FLT1: variants seen among roughly 807,000 people sequenced by gnomAD.
The protein encoded by FLT1 is vascular endothelial growth factor receptor 1.
Under a neutral mutation model 156.3 loss-of-function variants are expected in FLT1, and 49 were observed. The ratio of observed to expected loss-of-function variants is 0.31; its 90% CI spans 0.25 to 0.40. FLT1 has a LOEUF of 0.40. Ranked by LOEUF, FLT1 falls within the 10% of genes least tolerant of loss-of-function variation. The pLI is 1.00. For synonymous variants in FLT1, 594 were observed against 583.8 expected (o/e 1.02, Z -0.25); for missense variants, 1,322 against 1,637.2 (o/e 0.81, Z 3.32).
intron 12 of FLT1, among the ~76,000 whole-genome samples, chr13:28,391,537 C>A (rs865834979): frequency 1.3e-5 from 2 of 152,260 alleles, no homozygotes; most frequent in South Asian, 4.1e-4. Context: ...GTACATCTTA[C>A]ATATATTGAT....
chr13:28,327,625 T>A (rs1871738953), intron 19 of FLT1, 75 bp from the exon 20 acceptor site: 2 of 1,043,494 alleles, frequency 1.9e-6, no homozygotes, highest in Non-Finnish European at 3.0e-6. Context: ...TCAGCCTGCC[T>A]GAGAAACCTC....
At chr13:28,469,555 C>T (rs973277342) in intron 1 of FLT1, among the ~76,000 whole-genome samples, 8 of 152,132 alleles carry the variant, frequency 5.3e-5, no homozygotes, top group Non-Finnish European at 1.0e-4. Flanking sequence ...TGTGTGCATT[C>T]GGTGCTGTGC....
At chr13:28,406,882 G>T (rs368714950) in intron 10 of FLT1, among the ~76,000 whole-genome samples, 1 of 152,118 alleles carries the variant, frequency 6.6e-6, no homozygotes, top group Non-Finnish European at 1.5e-5. Context: ...AAAATGAGAG[G>T]CTAAAGTCAG....
rs752049696 is a variant in FLT1 at position 28,414,137 on chromosome 13, CTA to C, written c.1437-8245_1437-8244del. The stretch of plus-strand genomic sequence containing the variant: ...GAAGTGTGGTCAGGGAGTTTGCCTA[CTA>C]TTAGTGTCCCGCAGCGTATGAGAGA... On this transcript the variant is annotated intron_variant, in intron 10 of 29. Transcript: ENST00000282397. Among the ~76,000 whole-genome samples the C allele has an allele frequency of 3.3e-5, 5 of 152,330 alleles. No homozygotes were observed. In the South Asian group the frequency reaches 1.0e-3, roughly 32 times the overall value.
At chr13:28,314,741 C>A (rs530107292) in intron 25 of FLT1, among the ~76,000 whole-genome samples, 83 of 152,284 alleles carry the variant, frequency 5.5e-4, no homozygotes, top group African/African-American at 1.9e-3. Context: ...CTTTCACATG[C>A]TGGAGAAAAT....
chr13:28,349,169 G>T (rs1196718064), intron 15 of FLT1, among the ~76,000 whole-genome samples: 1 of 152,168 alleles, frequency 6.6e-6, no homozygotes, highest in Non-Finnish European at 1.5e-5. Context: ...GTTCAGAATA[G>T]TGCCTGGCAT....
In FLT1 at chr13:28,345,442, T is replaced by C. The variant is rs2138859095; in HGVS notation, c.2355+3A>G. ...GAGCATAGAACATCACCTATGTTCTTACCCTTTTCATTTTTCGGATAAAGA... is the reference window on the plus strand; with the variant it reads ...GAGCATAGAACATCACCTATGTTCTCACCCTTTTCATTTTTCGGATAAAGA... On this transcript the variant is annotated splice_donor_region_variant and intron_variant, in intron 16 of 29. Coordinates refer to ENST00000282397, the MANE Select transcript of FLT1 (RefSeq NM_002019.4). The C allele has an allele frequency of 6.4e-7, 1 of 1,566,972 alleles. No individual in the cohort carries two copies. The highest frequency in any genetic ancestry group is 8.8e-7 in the Non-Finnish European group (1 of 1,138,420).
At chr13:28,305,835 A>G (rs1024984136) in intron 29 of FLT1, among the ~76,000 whole-genome samples, 2 of 152,162 alleles carry the variant, frequency 1.3e-5, no homozygotes, top group African/African-American at 4.8e-5. Context: ...TGTGTGACCC[A>G]AGATAATTAT....
chr13:28,301,209 CT>C lies in FLT1; in HGVS notation c.*1957del, dbSNP rs1448880615. ...AAAGTAGAGAATTGACTGAGGTCTTCTTTTTTCTGTGTTTAACCTCCTTCCA... is the reference window on the plus strand; with the variant it reads ...AAAGTAGAGAATTGACTGAGGTCTTCTTTTTCTGTGTTTAACCTCCTTCCA... On this transcript the variant is annotated 3_prime_UTR_variant, in exon 30 of 30. Transcript: ENST00000282397. 1 of 230,534 alleles carries C rather than the reference CT, an allele frequency of 4.3e-6. No homozygotes were observed. The highest frequency in any genetic ancestry group is 8.5e-6 in the Non-Finnish European group (1 of 117,054). 14.3% of individuals were successfully genotyped at this position (230,534 alleles called of 1,614,324 possible).
chr13:28,484,517 T>A (rs183764669), intron 1 of FLT1, among the ~76,000 whole-genome samples: 8 of 152,306 alleles, frequency 5.3e-5, no homozygotes, highest in Admixed American at 1.3e-4. Context: ...GGTCCTTGAA[T>A]GCCTACGATA....
At position 28,410,205 on chromosome 13, in the gene FLT1, C is replaced by T. The variant is rs146013816; in HGVS notation, c.1437-4311G>A. Among the ~76,000 whole-genome samples the T allele has an allele frequency of 7.8e-3, 1,192 of 152,296 alleles. 9 individuals carry two copies. The highest frequency in any genetic ancestry group is 0.014 in the Admixed American group (220 of 15,292). On this transcript the variant is annotated intron_variant, in intron 10 of 29. Coordinates refer to ENST00000282397, the MANE Select transcript of FLT1 (RefSeq NM_002019.4). ...TTCACTCCTCCTGCCTTCCTCTCCCCTCCCCCTACTTAAAGCTCAGAGCTG... is the reference window on the plus strand; with the variant it reads ...TTCACTCCTCCTGCCTTCCTCTCCCTTCCCCCTACTTAAAGCTCAGAGCTG...
intron 14 of FLT1, among the ~76,000 whole-genome samples, chr13:28,376,385 A>G (rs1048119681): frequency 6.6e-6 from 1 of 152,220 alleles, no homozygotes; most frequent in Non-Finnish European, 1.5e-5. Flanking sequence ...TTTAACCTTA[A>G]AATATTCTAA....
chr13:28,303,157 G>C lies in FLT1; in HGVS notation c.*10C>G. ...CATGTGCTTCTAGAAATAAGGCTTCGTGTCAAACTCTAGATGGGTGGGGTG... is the reference window on the plus strand; with the variant it reads ...CATGTGCTTCTAGAAATAAGGCTTCCTGTCAAACTCTAGATGGGTGGGGTG... On this transcript the variant is annotated 3_prime_UTR_variant, in exon 30 of 30. Coordinates refer to ENST00000282397, the MANE Select transcript of FLT1 (RefSeq NM_002019.4). 1 of 1,606,672 alleles carries C rather than the reference G, an allele frequency of 6.2e-7. No individual in the cohort carries two copies. Among genetic ancestry groups the C allele is most frequent in the South Asian group, 1.1e-5 (1 of 91,060 alleles).
chr13:28,339,090 G>A (rs773630481), intron 17 of FLT1, 78 bp downstream of exon 17: 45 of 1,404,024 alleles, frequency 3.2e-5, no homozygotes, highest in Non-Finnish European at 3.0e-5. Context: ...GTTTACTTTC[G>A]CATCTCTCAA....
chr13:28,412,338 C>CTTTCTTTCTTTCTTTCTTTCTTTCTTTCT lies in FLT1; in HGVS notation c.1437-6445_1437-6444insAGAAAGAAAGAAAGAAAGAAAGAAAGAAA, dbSNP rs1469691863. The stretch of plus-strand genomic sequence containing the variant: ...CTTTCTTTCTTTCTTTCTTTTCTTT[C>CTTTCTTTCTTTCTTTCTTTCTTTCTTTCT]TTTCTTTCTTTCTCTTTCTTTCTTT... On this transcript the variant is annotated intron_variant, in intron 10 of 29. Transcript: ENST00000282397. 9.0e-5 allele frequency among the ~76,000 whole-genome samples: 7 copies of CTTTCTTTCTTTCTTTCTTTCTTTCTTTCT among 77,794 alleles called. 1 individual carries two copies. In the East Asian group the frequency reaches 2.3e-3, roughly 26 times the overall value. 51.0% of individuals were successfully genotyped at this position (77,794 alleles called of 152,430 possible). A position where few individuals can be genotyped will look rare whatever the true frequency, so the allele number is the denominator to read the frequency against.
chr13:28,303,179 G>A lies in FLT1; in HGVS notation c.4005C>T (p.Thr1335=). Residue 1335 remains threonine (T), a synonymous_variant, in exon 30 of 30, where the codon ACC becomes ACT. Coordinates refer to ENST00000282397, the MANE Select transcript of FLT1 (RefSeq NM_002019.4). ...TTCGTGTCAAACTCTAGATGGGTGG[G>A]GTGGAGTACAGGACCACCGAGTTGT... The part of the protein sequence containing the change: ...PDYNSVVLYS[T]PPI The A allele has an allele frequency of 3.7e-6, 6 of 1,610,344 alleles. No individual in the cohort carries two copies. In the South Asian group the frequency reaches 6.6e-5, roughly 18 times the overall value.
At chr13:28,473,029 T>C (rs916680375) in intron 1 of FLT1, among the ~76,000 whole-genome samples, 1 of 151,946 alleles carries the variant, frequency 6.6e-6, no homozygotes. Flanking sequence ...ATCAGGAACA[T>C]GCAAATAAAA....
At chr13:28,444,246 A>C (rs1878486843) in intron 3 of FLT1, among the ~76,000 whole-genome samples, 1 of 152,184 alleles carries the variant, frequency 6.6e-6, no homozygotes, top group East Asian at 1.9e-4. Context: ...ATTCAAGACC[A>C]GCCTGGTCAA....
At chr13:28,376,071 G>C (rs1328927083) in intron 14 of FLT1, among the ~76,000 whole-genome samples, 2 of 152,104 alleles carry the variant, frequency 1.3e-5, no homozygotes, top group Non-Finnish European at 2.9e-5. Context: ...CTCTTCTAAG[G>C]TTCCTTAAGA....
Sources: gnomAD v4.1 joint callset for allele counts (sites outside exome capture counted in the v4.1 genomes callset) on GRCh38, gnomAD v4.1.1 for gene constraint, MANE v1.5 for transcripts, NCBI Gene and HGNC (gene_info 2026-07-23, HGNC 2026-07-21) for gene names.